Variants in GON4L observed in about 807,000 individuals in gnomAD.
GON4L encodes GON-4-like protein.
GON4L carries 87 observed loss-of-function variants against 211.8 expected under a neutral mutation model. That is an observed-to-expected ratio of 0.41 (90% CI 0.35 to 0.49). GON4L has a LOEUF of 0.49. GON4L is among the 20% of genes least tolerant of loss of function. The pLI, the probability that GON4L is intolerant of heterozygous loss-of-function variation, is 0.15. For synonymous variants in GON4L, 875 were observed against 962.6 expected (o/e 0.91, Z 1.68); for missense variants, 2,155 against 2,659.5 (o/e 0.81, Z 4.17).
In GON4L at chr1:155,763,420, TC is replaced by T; in HGVS notation, c.4617del (p.Glu1541ArgfsTer4). The T allele has an allele frequency of 6.3e-7, 1 of 1,586,668 alleles. No homozygotes were observed. The highest frequency in any genetic ancestry group is 8.6e-7 in the Non-Finnish European group (1 of 1,166,116). ...GCTTCATCCGTCATTTCATCCTCTTTCTGCAGGCTTTCCATTCCTTCTGCTT... is the reference window on the plus strand; with the variant it reads ...GCTTCATCCGTCATTTCATCCTCTTTTGCAGGCTTTCCATTCCTTCTGCTT... ...EEEAEGMESL[Q>X]KEDEMTDEAV... On this transcript the variant is annotated frameshift_variant, in exon 22 of 32. Transcript: ENST00000368331. LOFTEE classifies it high-confidence loss of function.
intron 2 of GON4L, among the ~76,000 whole-genome samples, chr1:155,842,448 C>T (rs919680525): frequency 7.1e-5 from 10 of 140,944 alleles, no homozygotes; most frequent in African/African-American, 1.9e-4. Context: ...GGTGTGAACC[C>T]GGGAGGTGGA....
chr1:155,835,236 A>G (rs1289604841), intron 2 of GON4L, among the ~76,000 whole-genome samples: 1 of 152,138 alleles, frequency 6.6e-6, no homozygotes, highest in Non-Finnish European at 1.5e-5. Context: ...GGGCGGTGCA[A>G]GATGTGCTTT....
At chr1:155,817,872 G>C (rs1668385101) in intron 6 of GON4L, among the ~76,000 whole-genome samples, 1 of 148,952 alleles carries the variant, frequency 6.7e-6, no homozygotes, top group African/African-American at 2.5e-5. Flanking sequence ...AGGCTGCAGT[G>C]AGCTATGATT....
chr1:155,748,539 G>C (rs1660344237), downstream of GON4L: 8 of 1,613,790 alleles, frequency 5.0e-6, no homozygotes, highest in African/African-American at 2.7e-5. Flanking sequence ...AAGGTATGAA[G>C]CTTTGTGAGG....
chr1:155,852,789 A>G (rs1671926605), intron 2 of GON4L, among the ~76,000 whole-genome samples: 1 of 151,770 alleles, frequency 6.6e-6, no homozygotes, highest in Non-Finnish European at 1.5e-5. Flanking sequence ...AGCGAATGGG[A>G]GGGGAAAAGA....
intron 11 of GON4L, among the ~76,000 whole-genome samples, chr1:155,804,327 G>A (rs1157009246): frequency 1.3e-5 from 2 of 152,086 alleles, no homozygotes; most frequent in South Asian, 2.1e-4. Flanking sequence ...AGTGAGCTAT[G>A]ATCACCCCAC....
intron 19 of GON4L, among the ~76,000 whole-genome samples, chr1:155,768,146 T>A: frequency 6.6e-6 from 1 of 151,184 alleles, no homozygotes; most frequent in African/African-American, 2.4e-5. Flanking sequence ...CCTACAAAAA[T>A]ACAAAAATTA....
chr1:155,772,980 G>C (rs1166065650), intron 18 of GON4L, 86 bp downstream of exon 18: 1 of 1,531,820 alleles, frequency 6.5e-7, no homozygotes, highest in Non-Finnish European at 9.0e-7. Context: ...TATTATACAA[G>C]TCTTACTTCC....
chr1:155,778,471 T>TC (rs988509408), intron 14 of GON4L, among the ~76,000 whole-genome samples: 3 of 152,166 alleles, frequency 2.0e-5, no homozygotes, highest in African/African-American at 7.2e-5. Context: ...CAGGACGGTC[T>TC]CCATCTCCTG....
intron 11 of GON4L, among the ~76,000 whole-genome samples, chr1:155,803,527 G>A (rs1024867505): frequency 5.3e-5 from 8 of 151,986 alleles, no homozygotes; most frequent in Non-Finnish European, 1.5e-5. Context: ...ATAGGTGTGA[G>A]CCACCACGCC....
At chr1:155,785,470 A>G in intron 12 of GON4L, 96 bp from the exon 13 acceptor site, 1 of 881,330 alleles carries the variant, frequency 1.1e-6, no homozygotes, top group Non-Finnish European at 1.9e-6. Flanking sequence ...TCAACAAGGC[A>G]TGACAAATTC....
At chr1:155,817,205 G>A (rs1274094074) in intron 6 of GON4L, among the ~76,000 whole-genome samples, 6 of 152,018 alleles carry the variant, frequency 3.9e-5, no homozygotes, top group African/African-American at 1.5e-4. Context: ...GGTTTCCCAG[G>A]CTGGTCTCAA....
intron 12 of GON4L, among the ~76,000 whole-genome samples, chr1:155,786,363 A>C (rs1007918557): frequency 6.6e-6 from 1 of 151,942 alleles, no homozygotes; most frequent in Non-Finnish European, 1.5e-5. Flanking sequence ...TGTTGAAACC[A>C]TATCTCTACA....
At chr1:155,758,333 C>A (rs1409851032) in intron 24 of GON4L, among the ~76,000 whole-genome samples, 3 of 152,186 alleles carry the variant, frequency 2.0e-5, no homozygotes, top group Non-Finnish European at 4.4e-5. Context: ...TCATATGATA[C>A]TTTAGAGTTT....
downstream of GON4L, chr1:155,747,099 C>A (rs542773995): frequency 2.1e-4 from 338 of 1,606,376 alleles, 1 homozygote; most frequent in South Asian, 2.8e-3. Flanking sequence ...CTGCCTGGAA[C>A]TAAATGTCGA....
intron 8 of GON4L, among the ~76,000 whole-genome samples, 168 bp from the exon 9 acceptor site, chr1:155,814,617 G>C (rs1235064709): frequency 6.6e-6 from 1 of 151,574 alleles, no homozygotes. Flanking sequence ...GCGGTGGCGT[G>C]CACCTGTAAT....
At position 155,757,089 on chromosome 1, in the gene GON4L, T is replaced by G. The variant is rs771951541; in HGVS notation, c.5398-12A>C. 6.2e-7 allele frequency: 1 copy of G among 1,613,646 alleles called. No homozygotes were observed. On this transcript the variant is annotated splice_polypyrimidine_tract_variant and intron_variant, in intron 26 of 31. Coordinates refer to ENST00000368331, the MANE Select transcript of GON4L (RefSeq NM_001282860.2). ...TCAAAGCCATCAAACTGAGAAGGAG[T>G]TGGTGCTGCTGAGCACAGACACCAG...
intron 10 of GON4L, among the ~76,000 whole-genome samples, chr1:155,810,700 C>A (rs1667676936): frequency 8.5e-6 from 1 of 117,850 alleles, no homozygotes; most frequent in Non-Finnish European, 1.7e-5. Context: ...GAGTGAGACT[C>A]CGTCTCAAAA....
At chr1:155,814,077 C>G (rs1434227457) in intron 9 of GON4L, among the ~76,000 whole-genome samples, 1 of 152,138 alleles carries the variant, frequency 6.6e-6, no homozygotes, top group Non-Finnish European at 1.5e-5. Flanking sequence ...TTAAAAAGCA[C>G]AGATATGAAA....
Sources: gnomAD v4.1 joint callset for allele counts (sites outside exome capture counted in the v4.1 genomes callset) on GRCh38, gnomAD v4.1.1 for gene constraint, MANE v1.5 for transcripts, NCBI Gene and HGNC (gene_info 2026-07-23, HGNC 2026-07-21) for gene names.